The following CRACR2A variants were observed in gnomAD, a reference collection of about 807,000 sequenced individuals.
The protein encoded by CRACR2A is calcium release activated channel regulator 2A.
Under a neutral mutation model 90.5 loss-of-function variants are expected in CRACR2A, and 79 were observed. The ratio of observed to expected loss-of-function variants is 0.87; its 90% confidence interval spans 0.73 to 1.05. The LOEUF (loss-of-function observed/expected upper bound fraction) is 1.05, where lower values mean the gene tolerates loss of function less well. CRACR2A is among the 50% of genes least tolerant of loss of function. The probability of loss-of-function intolerance (pLI) is 0.00; values close to 1 mark genes in which losing one functional copy is unlikely to be tolerated. For synonymous variants in CRACR2A, 338 were observed against 356.7 expected (o/e 0.95, Z 0.59); for missense variants, 823 against 897.2 (o/e 0.92, Z 1.06).
intron 1 of CRACR2A, among the ~76,000 whole-genome samples, chr12:3,735,364 G>C (rs1282972653): frequency 6.6e-6 from 1 of 152,218 alleles, no homozygotes; most frequent in Non-Finnish European, 1.5e-5. Context: ...CGCTGGGAGA[G>C]TGTTAGCAAA....
At chr12:3,737,136 CA>C (rs1382270305) in intron 1 of CRACR2A, among the ~76,000 whole-genome samples, 1 of 152,306 alleles carries the variant, frequency 6.6e-6, no homozygotes, top group Middle Eastern at 3.4e-3. Context: ...CCCAAATTAA[CA>C]AGACCAACAC....
At chr12:3,680,587 A>G (rs1042516620) in intron 4 of CRACR2A, among the ~76,000 whole-genome samples, 2 of 152,230 alleles carry the variant, frequency 1.3e-5, no homozygotes, top group African/African-American at 4.8e-5. Flanking sequence ...GTGATTTATA[A>G]ATAAACAAAT....
Position 3,723,544 on chromosome 12 carries a change from G to GCCTAGGGATGCCCCTAGGTGTC in CRACR2A, c.-118+9376_-118+9397dup, listed in dbSNP as rs1156846217. The stretch of plus-strand genomic sequence containing the variant: ...CTCTGACTCAGTGGCACAGAGAGAT[G>GCCTAGGGATGCCCCTAGGTGTC]CCTAGGGATGCCCCTAGGTGTCCCT... On this transcript the variant is annotated intron_variant, in intron 2 of 19. Coordinates refer to ENST00000440314, the MANE Select transcript of CRACR2A (RefSeq NM_001144958.2). Among the ~76,000 whole-genome samples, 80 of 152,200 alleles carry GCCTAGGGATGCCCCTAGGTGTC rather than the reference G, an allele frequency of 5.3e-4. 1 individual carries two copies. The highest frequency in any genetic ancestry group is 1.0e-3 in the Non-Finnish European group (69 of 67,980).
chr12:3,666,330 C>CGTGTGTGTGT (rs750488682), intron 7 of CRACR2A, among the ~76,000 whole-genome samples: 3,361 of 139,600 alleles, frequency 0.024, 79 homozygotes, highest in African/African-American at 0.052. Context: ...AGGACGGCTG[C>CGTGTGTGTGT]GTGTGTGTGT....
intron 15 of CRACR2A, among the ~76,000 whole-genome samples, chr12:3,630,045 C>A (rs1442958910): frequency 2.6e-5 from 4 of 152,140 alleles, no homozygotes. Context: ...CACTGACCAG[C>A]AACGTGACCT....
chr12:3,679,937 C>T (rs1945414654), intron 5 of CRACR2A, among the ~76,000 whole-genome samples: 1 of 152,188 alleles, frequency 6.6e-6, no homozygotes. Context: ...ATCACAGCTC[C>T]CCCTTTTATG....
In CRACR2A at chr12:3,678,962, C is replaced by T. The variant is rs1395066888; in HGVS notation, c.477G>A (p.Gln159=). ...CAAGTCTGTCCATCAGCATCCGGAA[C>T]TGGGCTTCCTCATCTTCGCCCATGT... ...LGDMGEDEEA[Q]FRMLMDRLGA... Residue 159 remains glutamine, a synonymous_variant, in exon 6 of 20, where the codon CAG becomes CAA. Coordinates refer to ENST00000440314, the MANE Select transcript of CRACR2A (RefSeq NM_001144958.2). 2 of 1,613,520 alleles carry T rather than the reference C, an allele frequency of 1.2e-6. No individual in the cohort carries two copies. Among genetic ancestry groups the T allele is most frequent in the Non-Finnish European group, 1.7e-6 (2 of 1,179,854 alleles).
At chr12:3,735,101 T>C (rs1946429631) in intron 1 of CRACR2A, among the ~76,000 whole-genome samples, 1 of 152,226 alleles carries the variant, frequency 6.6e-6, no homozygotes, top group Non-Finnish European at 1.5e-5. Context: ...CTTTGAATTC[T>C]ATGTTAACCA....
At chr12:3,655,944 A>C (rs1435316958) in intron 9 of CRACR2A, among the ~76,000 whole-genome samples, 1 of 152,162 alleles carries the variant, frequency 6.6e-6, no homozygotes, top group Non-Finnish European at 1.5e-5. Context: ...GCCTCCCCCC[A>C]GATATAGTGG....
intron 7 of CRACR2A, among the ~76,000 whole-genome samples, chr12:3,661,474 G>A (rs1213714455): frequency 6.6e-6 from 1 of 152,214 alleles, no homozygotes; most frequent in African/African-American, 2.4e-5. Flanking sequence ...TCATGGATAC[G>A]TCCTGCATCC....
chr12:3,660,873 C>T (rs1216228681), intron 7 of CRACR2A, among the ~76,000 whole-genome samples: 2 of 114,608 alleles, frequency 1.7e-5, no homozygotes, highest in African/African-American at 5.9e-5. Flanking sequence ...CACACACACA[C>T]ACACACACAC....
intron 13 of CRACR2A, among the ~76,000 whole-genome samples, chr12:3,639,632 T>C (rs999111199): frequency 6.6e-6 from 1 of 152,020 alleles, no homozygotes; most frequent in Non-Finnish European, 1.5e-5. Context: ...AAATATGTAT[T>C]ACTCTTAAAG....
intron 3 of CRACR2A, among the ~76,000 whole-genome samples, chr12:3,708,131 A>C (rs578192037): frequency 6.6e-6 from 1 of 152,250 alleles, no homozygotes; most frequent in East Asian, 1.9e-4. Flanking sequence ...TAGAAGGTGG[A>C]CCCTTGAGCT....
chr12:3,681,530 T>G (rs1437715913), intron 4 of CRACR2A, among the ~76,000 whole-genome samples: 1 of 152,226 alleles, frequency 6.6e-6, no homozygotes, highest in Non-Finnish European at 1.5e-5. Context: ...ATGAAGCAAG[T>G]GTACCCTCAT....
intron 3 of CRACR2A, among the ~76,000 whole-genome samples, chr12:3,700,959 T>C (rs116603864): frequency 0.011 from 1,697 of 152,260 alleles, 38 homozygotes; most frequent in African/African-American, 0.038. Context: ...TTCTGGGTCA[T>C]AAAATGAGTC....
At chr12:3,629,625 C>A (rs975236802) in intron 15 of CRACR2A, among the ~76,000 whole-genome samples, 4 of 152,196 alleles carry the variant, frequency 2.6e-5, no homozygotes, top group African/African-American at 9.6e-5. Flanking sequence ...GTCCTGGCTG[C>A]CCTCAGCTCC....
chr12:3,619,349 A>T lies in CRACR2A; in HGVS notation c.1956T>A (p.Pro652=). Reference sequence around the variant, plus strand: ...CAAGCTTATTACCCAGCAGAAGAACAGGCACCCGGTCTCCCACAGCTTCCT... The same window carrying T: ...CAAGCTTATTACCCAGCAGAAGAACTGGCACCCGGTCTCCCACAGCTTCCT... ...SVEEAVGDRV[P]VLLLGNKLDN... The change falls in exon 18 of 20, where the codon CCT becomes CCA. Residue 652 remains proline, a synonymous_variant. Coordinates refer to ENST00000440314, the MANE Select transcript of CRACR2A (RefSeq NM_001144958.2). 6.4e-7 allele frequency: 1 copy of T among 1,551,670 alleles called. No homozygotes were observed. Among genetic ancestry groups the T allele is most frequent in the Non-Finnish European group, 8.7e-7 (1 of 1,146,976 alleles).
chr12:3,625,686 A>G (rs1488601419), intron 17 of CRACR2A, among the ~76,000 whole-genome samples: 3 of 150,416 alleles, frequency 2.0e-5, no homozygotes, highest in African/African-American at 7.4e-5. Context: ...ATATGCTGAA[A>G]AAGGCAAGGC....
intron 2 of CRACR2A, chr12:3,728,173 T>C (rs771719171): frequency 2.0e-5 from 3 of 152,150 alleles, no homozygotes; most frequent in Non-Finnish European, 4.4e-5. Flanking sequence ...TAATTACTCA[T>C]CCATAGGAAA....
Sources: allele counts gnomAD v4.1 joint callset (sites outside exome capture counted in the v4.1 genomes callset), GRCh38; gene constraint gnomAD v4.1.1; transcripts MANE v1.5; gene names NCBI Gene and HGNC (gene_info 2026-07-23, HGNC 2026-07-21).